Variants in DRD3 observed in about 807,000 individuals in gnomAD.
DRD3 encodes D(3) dopamine receptor.
Under a neutral mutation model 36.3 loss-of-function variants are expected in DRD3, and 19 were observed. The ratio of observed to expected loss-of-function variants is 0.52; its 90% CI spans 0.36 to 0.77. DRD3 has a LOEUF of 0.77. Ranked by LOEUF, DRD3 falls within the 30% of genes least tolerant of loss-of-function variation. DRD3 has a pLI of 0.00. For synonymous variants in DRD3, 195 were observed against 203.7 expected (o/e 0.96, Z 0.36); for missense variants, 465 against 505.3 (o/e 0.92, Z 0.77).
At chr3:114,194,748 C>A (rs188344221) in intron 1 of DRD3, among the ~76,000 whole-genome samples, 8 of 152,196 alleles carry the variant, frequency 5.3e-5, no homozygotes, top group Admixed American at 5.2e-4. Context: ...GGCAAGTGTG[C>A]TGTATTGTCT....
intron 3 of DRD3, among the ~76,000 whole-genome samples, chr3:114,150,561 G>A (rs768565233): frequency 2.0e-5 from 3 of 152,198 alleles, no homozygotes; most frequent in Admixed American, 2.0e-4. Flanking sequence ...TCTGCCTCAT[G>A]GGTCACGAAG....
intron 1 of DRD3, among the ~76,000 whole-genome samples, chr3:114,172,306 G>A (rs183458509): frequency 6.6e-6 from 1 of 152,210 alleles, no homozygotes; most frequent in Admixed American, 6.5e-5. Context: ...AGACAAATCA[G>A]AGAGGCAGGT....
intron 5 of DRD3, among the ~76,000 whole-genome samples, chr3:114,136,230 A>C (rs1460104772): frequency 6.6e-6 from 1 of 151,900 alleles, no homozygotes; most frequent in Non-Finnish European, 1.5e-5. Context: ...AAAAACAAAA[A>C]CAAAAAAACC....
At chr3:114,185,491 T>G (rs904419893) in intron 1 of DRD3, among the ~76,000 whole-genome samples, 16 of 152,182 alleles carry the variant, frequency 1.1e-4, no homozygotes, top group Admixed American at 4.6e-4. Flanking sequence ...TATTTCCATT[T>G]TATTCATAGG....
chr3:114,164,091 G>GTGT (rs200502460), intron 2 of DRD3, among the ~76,000 whole-genome samples: 1 of 150,630 alleles, frequency 6.6e-6, no homozygotes, highest in Non-Finnish European at 1.5e-5. Context: ...TGTGGTGGTG[G>GTGT]GCGCCTGTTA....
chr3:114,153,222 GA>G lies in DRD3; in HGVS notation c.384-5666del, dbSNP rs1229678050. ...ACAATGGGGATAATAATTTCTGCCC[GA>G]AAAGGCTGTAATGAATATTGAATGA... On this transcript the variant is annotated intron_variant, in intron 3 of 6. Coordinates refer to ENST00000383673, the MANE Select transcript of DRD3 (RefSeq NM_000796.6). Among the ~76,000 whole-genome samples the G allele has an allele frequency of 4.0e-5, 6 of 151,844 alleles. No homozygotes were observed. In the East Asian group the frequency reaches 1.2e-3, roughly 29 times the overall value.
At chr3:114,175,849 G>A (rs1577623943) in intron 1 of DRD3, 1 of 152,204 alleles carries the variant, frequency 6.6e-6, no homozygotes, top group East Asian at 1.9e-4. Context: ...GGAGGTAAAA[G>A]AATAGAGAAG....
intron 3 of DRD3, among the ~76,000 whole-genome samples, chr3:114,154,426 G>A (rs2077646943): frequency 6.6e-6 from 1 of 152,102 alleles, no homozygotes; most frequent in Non-Finnish European, 1.5e-5. Context: ...TGGGTGGGAA[G>A]GCCTGACTCT....
At chr3:114,181,877 T>TACAC (rs555509350), upstream of DRD3, among the ~76,000 whole-genome samples, 60 of 152,192 alleles carry the variant, frequency 3.9e-4, no homozygotes, top group Non-Finnish European at 6.6e-4. Context: ...GACCATTGAG[T>TACAC]ACACCACTTT....
At chr3:114,185,042 G>A (rs528225100) in intron 1 of DRD3, among the ~76,000 whole-genome samples, 39 of 112,058 alleles carry the variant, frequency 3.5e-4, no homozygotes, top group East Asian at 1.6e-3. Flanking sequence ...CTTTTTTTGC[G>A]CTTTCATAAT....
chr3:114,142,013 A>T (rs1262506187), intron 4 of DRD3, among the ~76,000 whole-genome samples: 1 of 135,444 alleles, frequency 7.4e-6, no homozygotes. Flanking sequence ...GCGCCATTGC[A>T]CTCCAGCCTG....
chr3:114,142,209 G>A (rs2077532173), intron 4 of DRD3, among the ~76,000 whole-genome samples: 1 of 152,124 alleles, frequency 6.6e-6, no homozygotes, highest in Non-Finnish European at 1.5e-5. Flanking sequence ...GAGCCACGTT[G>A]GTGGTGATCT....
intron 3 of DRD3, among the ~76,000 whole-genome samples, chr3:114,157,901 G>A (rs913644973): frequency 3.9e-5 from 6 of 152,092 alleles, no homozygotes; most frequent in African/African-American, 1.4e-4. Context: ...TTGGGAGTTC[G>A]AGACCAGCCT....
At chr3:114,161,700 AG>A (rs2077734718) in intron 2 of DRD3, among the ~76,000 whole-genome samples, 1 of 152,244 alleles carries the variant, frequency 6.6e-6, no homozygotes, top group South Asian at 2.1e-4. Context: ...GAGAATAAAA[AG>A]CTTTTAAAAG....
chr3:114,135,524 C>T (rs1324800537), intron 5 of DRD3, among the ~76,000 whole-genome samples: 1 of 152,056 alleles, frequency 6.6e-6, no homozygotes, highest in African/African-American at 2.4e-5. Flanking sequence ...CTATGTCTGG[C>T]TTATTTCACT....
chr3:114,129,963 C>A (rs1313626666), intron 6 of DRD3, among the ~76,000 whole-genome samples: 2 of 152,078 alleles, frequency 1.3e-5, no homozygotes, highest in Non-Finnish European at 2.9e-5. Flanking sequence ...GAGGCTGAGG[C>A]AGGAGAATCA....
intron 4 of DRD3, among the ~76,000 whole-genome samples, chr3:114,141,878 C>T (rs1295445234): frequency 1.3e-5 from 2 of 151,772 alleles, no homozygotes; most frequent in Non-Finnish European, 2.9e-5. Flanking sequence ...GGTGAAACCA[C>T]GTCTCTACTA....
At chr3:114,175,043 T>A (rs933128990) in intron 1 of DRD3, among the ~76,000 whole-genome samples, 17 of 152,196 alleles carry the variant, frequency 1.1e-4, no homozygotes, top group African/African-American at 4.1e-4. Context: ...TTGGGCTGAA[T>A]AATTCTTTGT....
At chr3:114,170,897 A>G (rs946117215) in intron 2 of DRD3, among the ~76,000 whole-genome samples, 2 of 152,232 alleles carry the variant, frequency 1.3e-5, no homozygotes, top group African/African-American at 4.8e-5. Context: ...AAAAAAACAT[A>G]TCTTAAGTAA....
Sources: allele counts gnomAD v4.1 joint callset (sites outside exome capture counted in the v4.1 genomes callset), GRCh38; gene constraint gnomAD v4.1.1; transcripts MANE v1.5; gene names NCBI Gene and HGNC (gene_info 2026-07-23, HGNC 2026-07-21).